Variants in FARP1 observed in about 807,000 individuals in gnomAD.
FARP1 encodes FERM, ARH/RhoGEF and pleckstrin domain protein 1, also known as FERM, ARHGEF and pleckstrin domain-containing protein 1.
In FARP1, 52 loss-of-function variants were observed where a neutral mutation model predicts 128.8. That is an observed-to-expected ratio of 0.40 (90% CI 0.32 to 0.51). The LOEUF is 0.51. Among genes scored for constraint, FARP1 ranks in the 20% least tolerant of loss-of-function variants. FARP1 has a pLI of 0.45. For missense variants in FARP1, 1,333 were observed against 1,367.9 expected, an observed-to-expected ratio of 0.97 and a Z score of 0.40; for synonymous variants, 580 against 551.8, an observed-to-expected ratio of 1.05 and a Z score of -0.72.
At chr13:98,344,971 G>T (rs1239381068) in intron 3 of FARP1, among the ~76,000 whole-genome samples, 1 of 152,166 alleles carries the variant, frequency 6.6e-6, no homozygotes, top group African/African-American at 2.4e-5. Context: ...CCTACACTGT[G>T]TCTGGCATCA....
At chr13:98,360,531 G>C (rs1888829715) in intron 3 of FARP1, among the ~76,000 whole-genome samples, 1 of 152,226 alleles carries the variant, frequency 6.6e-6, no homozygotes, top group African/African-American at 2.4e-5. Context: ...GGTGGCAGCT[G>C]TCCAGAAGCC....
At chr13:98,155,828 C>T (rs142728422) in intron 1 of FARP1, among the ~76,000 whole-genome samples, 1 of 152,132 alleles carries the variant, frequency 6.6e-6, no homozygotes, top group African/African-American at 2.4e-5. Flanking sequence ...CCTGCTGTGG[C>T]TGCTTGCCAG....
intron 2 of FARP1, among the ~76,000 whole-genome samples, chr13:98,304,360 A>C (rs1049807966): frequency 6.6e-6 from 1 of 152,198 alleles, no homozygotes; most frequent in Non-Finnish European, 1.5e-5. Context: ...GGGAAGAAAA[A>C]TTATTTTAAA....
chr13:98,270,535 G>T (rs1884341721), intron 2 of FARP1, among the ~76,000 whole-genome samples: 1 of 152,146 alleles, frequency 6.6e-6, no homozygotes, highest in Non-Finnish European at 1.5e-5. Flanking sequence ...TGCTCATCCT[G>T]AGGACGCAGC....
chr13:98,422,063 A>G (rs1891614121), intron 16 of FARP1, among the ~76,000 whole-genome samples: 2 of 152,200 alleles, frequency 1.3e-5, no homozygotes, highest in Admixed American at 6.5e-5. Flanking sequence ...GGGCTTGTAT[A>G]GGAAGAAGTA....
At chr13:98,331,028 GA>G in intron 2 of FARP1, among the ~76,000 whole-genome samples, 1 of 152,262 alleles carries the variant, frequency 6.6e-6, no homozygotes, top group Middle Eastern at 3.4e-3. Context: ...CCTGGCCATC[GA>G]TCAGCATCCC....
At chr13:98,188,379 C>G (rs1420866499) in intron 1 of FARP1, among the ~76,000 whole-genome samples, 1 of 151,924 alleles carries the variant, frequency 6.6e-6, no homozygotes, top group Non-Finnish European at 1.5e-5. Flanking sequence ...CTGGTGAAAC[C>G]CCGTCTCTAC....
In FARP1 at chr13:98,453,124, G is replaced by A. The variant is rs756310664; in HGVS notation, c.*4807G>A. 6 of 1,604,608 alleles carry A rather than the reference G, an allele frequency of 3.7e-6. No homozygotes were observed. In the East Asian group the frequency reaches 1.3e-4, roughly 36 times the overall value. ...TCGTTGACTTTTAAAAAAGGAGGAG[G>A]ATGAAGAAGGAAAAAAGGAAAAACA... On this transcript the variant is annotated 3_prime_UTR_variant, in exon 27 of 27. Coordinates refer to ENST00000319562, the MANE Select transcript of FARP1 (RefSeq NM_005766.4).
chr13:98,178,272 T>A (rs1227866431), intron 1 of FARP1, among the ~76,000 whole-genome samples: 1 of 146,770 alleles, frequency 6.8e-6, no homozygotes, highest in Non-Finnish European at 1.5e-5. Flanking sequence ...CCCGGCTCAC[T>A]GCAACCTCTG....
At chr13:98,202,538 G>A (rs550908739) in intron 1 of FARP1, among the ~76,000 whole-genome samples, 1 of 152,190 alleles carries the variant, frequency 6.6e-6, no homozygotes, top group South Asian at 2.1e-4. Flanking sequence ...ACAAACTCTT[G>A]CAAAAAGTTT....
rs1205096676 is a variant in FARP1 at position 98,454,869 on chromosome 13, A to G, written c.*6552A>G. 1 of 152,250 alleles carries G rather than the reference A, an allele frequency of 6.6e-6. No homozygotes were observed. Among genetic ancestry groups the G allele is most frequent in the African/African-American group, 2.4e-5 (1 of 41,438 alleles). 9.4% of individuals were successfully genotyped at this position (152,250 alleles called of 1,614,324 possible). Reference sequence around the variant, plus strand: ...CTCATCTGAGGACAGAGGAGGAAAGAGGGCACTCCTCATCACAGACAAAGG... The same window carrying G: ...CTCATCTGAGGACAGAGGAGGAAAGGGGGCACTCCTCATCACAGACAAAGG... On this transcript the variant is annotated 3_prime_UTR_variant, in exon 27 of 27. Transcript: ENST00000319562.
chr13:98,411,776 C>T lies in FARP1; in HGVS notation c.1693-125C>T. 3 of 1,040,520 alleles carry T rather than the reference C, an allele frequency of 2.9e-6. No homozygotes were observed. The South Asian group carries it at 4.6e-5, about 16-fold the overall frequency. The allele number at this position is 1,040,520 out of a possible 1,614,324, so 64.5% of individuals were successfully genotyped here. On this transcript the variant is annotated intron_variant, in intron 15 of 26. Transcript: ENST00000319562. ...GGGCAGCCCCGTGTTCCTGAAATGC[C>T]AAGAACCTCGCAGGAAAGCCCTGGC...
At position 98,390,140 on chromosome 13, in the gene FARP1, C is replaced by T. The variant is rs1399446325; in HGVS notation, c.1019+20C>T. On this transcript the variant is annotated intron_variant, in intron 10 of 26. Coordinates refer to ENST00000319562, the MANE Select transcript of FARP1 (RefSeq NM_005766.4). ...GTTCAGGTGAGGTCGCCACTTTGTG[C>T]CTCTGTTTGCTGGGTGCACGTTTTT... 1 of 1,608,986 alleles carries T rather than the reference C, an allele frequency of 6.2e-7. No individual in the cohort carries two copies. Among genetic ancestry groups the T allele is most frequent in the Non-Finnish European group, 8.5e-7 (1 of 1,177,286 alleles).
At chr13:98,418,551 G>A (rs1891476060) in intron 16 of FARP1, among the ~76,000 whole-genome samples, 1 of 152,198 alleles carries the variant, frequency 6.6e-6, no homozygotes, top group Admixed American at 6.5e-5. Context: ...GGGATTACAG[G>A]CGTTGAGCTT....
At chr13:98,395,590 C>T in intron 13 of FARP1, 114 bp downstream of exon 13, 1 of 1,278,998 alleles carries the variant, frequency 7.8e-7, no homozygotes, top group Non-Finnish European at 1.1e-6. Flanking sequence ...ATCCCGGTCC[C>T]GATCCCGGTC....
chr13:98,285,421 C>A (rs950902410), intron 2 of FARP1, among the ~76,000 whole-genome samples: 9 of 152,060 alleles, frequency 5.9e-5, no homozygotes, highest in African/African-American at 2.2e-4. Flanking sequence ...TTTTTTTCTT[C>A]ATCTCAAAGA....
chr13:98,193,074 T>C (rs1402350019), intron 1 of FARP1, among the ~76,000 whole-genome samples: 1 of 148,918 alleles, frequency 6.7e-6, no homozygotes, highest in African/African-American at 2.4e-5. Context: ...TTTTTTTTTT[T>C]CGAGATGGAG....
chr13:98,233,896 C>T (rs1452115672), intron 2 of FARP1: 1 of 152,164 alleles, frequency 6.6e-6, no homozygotes, highest in East Asian at 1.9e-4. Context: ...CGCAAGGACT[C>T]GCTTCATGTA....
intron 1 of FARP1, among the ~76,000 whole-genome samples, chr13:98,181,643 T>TGA (rs66507306): frequency 0.024 from 908 of 38,228 alleles, 18 homozygotes; most frequent in African/African-American, 0.091. Context: ...TTTATTTATT[T>TGA]GAGAGAGAGA....
Sources: gnomAD v4.1 joint callset for allele counts (sites outside exome capture counted in the v4.1 genomes callset) on GRCh38, gnomAD v4.1.1 for gene constraint, MANE v1.5 for transcripts, NCBI Gene and HGNC (gene_info 2026-07-23, HGNC 2026-07-21) for gene names.